The following LARP4B variants were observed in gnomAD, a reference collection of about 807,000 sequenced individuals.
LARP4B encodes the protein la-related protein 4B.
A neutral mutation model predicts 89.8 loss-of-function variants in LARP4B; 12 were observed. The ratio of observed to expected loss-of-function variants is 0.13; its 90% CI spans 0.09 to 0.22. The LOEUF is 0.22. Ranked by LOEUF, LARP4B falls within the 10% of genes least tolerant of loss-of-function variation. The pLI, the probability that LARP4B is intolerant of heterozygous loss-of-function variation, is 1.00. For synonymous variants in LARP4B, 367 were observed against 363.3 expected (o/e 1.01, Z -0.12); for missense variants, 757 against 947.7 (o/e 0.80, Z 2.64).
At chr10:813,324 T>A (rs1359306810) in intron 17 of LARP4B, 111 bp from the exon 18 acceptor site, 2 of 1,117,674 alleles carry the variant, frequency 1.8e-6, no homozygotes, top group Admixed American at 5.5e-5. Context: ...TAAGTTTCCA[T>A]CTTCACTAGT....
intron 14 of LARP4B, chr10:820,568 C>A: frequency 2.0e-6 from 1 of 499,092 alleles, no homozygotes; most frequent in Non-Finnish European, 3.5e-6. Context: ...CACAGCACAA[C>A]ACGCCTGTGC....
intron 1 of LARP4B, among the ~76,000 whole-genome samples, chr10:902,070 C>G (rs141111010): frequency 6.6e-6 from 1 of 152,150 alleles, no homozygotes; most frequent in African/African-American, 2.4e-5. Context: ...ACTGGGTCTA[C>G]GACATTATCT....
At chr10:956,843 G>T in the LARP4B span, among the ~76,000 whole-genome samples, 1 of 152,258 alleles carries the variant, frequency 6.6e-6, no homozygotes, top group East Asian at 1.9e-4. The surrounding 1 kb of genome is among the most constrained non-coding windows in gnomAD (Gnocchi z 4.3). Flanking sequence ...AGGCCTGGGG[G>T]GTCAGGAGAA....
intron 3 of LARP4B, among the ~76,000 whole-genome samples, chr10:865,434 C>T (rs765502399): frequency 6.6e-6 from 1 of 152,170 alleles, no homozygotes; most frequent in African/African-American, 2.4e-5. Flanking sequence ...GAGTAAAAGA[C>T]GAAGTTCCCA....
At chr10:883,591 T>C (rs1446894578) in intron 3 of LARP4B, among the ~76,000 whole-genome samples, 1 of 151,680 alleles carries the variant, frequency 6.6e-6, no homozygotes, top group Non-Finnish European at 1.5e-5. Flanking sequence ...AATATATTTA[T>C]AAAATATAAT....
intron 5 of LARP4B, among the ~76,000 whole-genome samples, chr10:854,896 G>A (rs1183674578): frequency 6.6e-6 from 1 of 152,152 alleles, no homozygotes; most frequent in Non-Finnish European, 1.5e-5. Context: ...TGTCTCGATT[G>A]AAAATCTGTC....
rs1177125661 is a variant in LARP4B at position 809,657 on chromosome 10, G to A, written c.*3269C>T. 1 of 152,604 alleles carries A rather than the reference G, an allele frequency of 6.6e-6. No individual in the cohort carries two copies. The highest frequency in any genetic ancestry group is 1.5e-5 in the Non-Finnish European group (1 of 68,036). 9.5% of individuals were successfully genotyped at this position (152,604 alleles called of 1,614,324 possible). On this transcript the variant is annotated 3_prime_UTR_variant, in exon 18 of 18. Transcript: ENST00000316157. The stretch of plus-strand genomic sequence containing the variant: ...TTACCAATAGTTTACATGTAAGCTT[G>A]ATTCCAGTCTTAATGAAGCAGAACA...
At chr10:818,218 T>G (rs1179884506) in intron 14 of LARP4B, 1 of 214,876 alleles carries the variant, frequency 4.7e-6, no homozygotes, top group Non-Finnish European at 9.2e-6. Flanking sequence ...CACTCTGGAG[T>G]GACTCCAGCC....
intron 1 of LARP4B, among the ~76,000 whole-genome samples, chr10:928,684 C>T (rs898875860): frequency 6.6e-6 from 1 of 152,122 alleles, no homozygotes; most frequent in South Asian, 2.1e-4. Flanking sequence ...CAAGCTCAAG[C>T]GATCTTCCCA....
chr10:864,323 T>C, intron 3 of LARP4B, 53 bp from the exon 4 acceptor site: 1 of 1,586,582 alleles, frequency 6.3e-7, no homozygotes, highest in Non-Finnish European at 8.6e-7. Context: ...CCAAATACAA[T>C]TTTACTCATT....
chr10:892,618 C>A (rs970809122), intron 1 of LARP4B, among the ~76,000 whole-genome samples: 3 of 151,926 alleles, frequency 2.0e-5, no homozygotes, highest in Non-Finnish European at 2.9e-5. Context: ...CAGCTCACTG[C>A]AAGCTCCACC....
At chr10:867,115 T>C (rs1363792672) in intron 3 of LARP4B, among the ~76,000 whole-genome samples, 1 of 152,270 alleles carries the variant, frequency 6.6e-6, no homozygotes, top group African/African-American at 2.4e-5. Context: ...AACCAATGAC[T>C]ACCTCTTAGT....
intron 8 of LARP4B, 81 bp from the exon 9 acceptor site, chr10:831,058 A>G (rs1832877931): frequency 3.3e-6 from 2 of 609,934 alleles, no homozygotes; most frequent in East Asian, 5.7e-5. Context: ...TAACAAATGC[A>G]TTCTCTTAAG....
rs1425123629 is a variant in LARP4B at position 925,209 on chromosome 10, C to T, written c.-40+6219G>A. Among the ~76,000 whole-genome samples, 3 of 152,304 alleles carry T rather than the reference C, an allele frequency of 2.0e-5. No homozygotes were observed. In the East Asian group the frequency reaches 5.8e-4, roughly 29 times the overall value. On this transcript the variant is annotated intron_variant, in intron 1 of 17. Transcript: ENST00000316157. ...CTATGGCTTTACATAGAACAATGCA[C>T]TTTCCTATTCCTGCTGGATGACGGG...
rs769504555 is a variant in LARP4B, at chr10:884,430, T to C, written c.141+17A>G. On this transcript the variant is annotated intron_variant, in intron 3 of 17. Transcript: ENST00000316157. Reference sequence around the variant, plus strand: ...CTGTGATTAAAAAATCTGTGATTAATCTCAAAATTGAATTACCTGACTCAA... The same window carrying C: ...CTGTGATTAAAAAATCTGTGATTAACCTCAAAATTGAATTACCTGACTCAA... 1.3e-6 allele frequency: 2 copies of C among 1,547,018 alleles called. No homozygotes were observed. Among genetic ancestry groups the C allele is most frequent in the African/African-American group, 2.7e-5 (2 of 73,488 alleles).
chr10:926,410 A>C (rs1225486004), intron 1 of LARP4B, among the ~76,000 whole-genome samples: 1 of 152,208 alleles, frequency 6.6e-6, no homozygotes, highest in African/African-American at 2.4e-5. Context: ...TACCAACAGC[A>C]ATGGCTACAA....
At chr10:831,810 C>A (rs1266909256) in intron 8 of LARP4B, among the ~76,000 whole-genome samples, 1 of 152,024 alleles carries the variant, frequency 6.6e-6, no homozygotes, top group Non-Finnish European at 1.5e-5. Context: ...TATTAGAATA[C>A]AAAAATATTC....
intron 1 of LARP4B, among the ~76,000 whole-genome samples, chr10:918,755 G>A (rs1004221805): frequency 1.3e-5 from 2 of 150,962 alleles, no homozygotes; most frequent in Non-Finnish European, 1.5e-5. Flanking sequence ...ACTCAATCTT[G>A]TAGCATAGGA....
intron 5 of LARP4B, among the ~76,000 whole-genome samples, chr10:847,517 C>T (rs898748532): frequency 6.7e-6 from 1 of 149,030 alleles, no homozygotes; most frequent in Admixed American, 6.7e-5. Context: ...TGACATGAAA[C>T]TTTTTTCTTT....
Sources: gnomAD v4.1 joint callset for allele counts (sites outside exome capture counted in the v4.1 genomes callset) on GRCh38, gnomAD v4.1.1 for gene constraint, Gnocchi (gnomAD v3.1) non-coding constraint, MANE v1.5 for transcripts, NCBI Gene and HGNC (gene_info 2026-07-23, HGNC 2026-07-21) for gene names.